The following LRFN2 variants were observed in gnomAD, a reference collection of about 807,000 sequenced individuals.
LRFN2 encodes the protein leucine-rich repeat and fibronectin type-III domain-containing protein 2.
A neutral mutation model predicts 37.3 loss-of-function variants in LRFN2; 18 were observed. That is an observed-to-expected ratio of 0.48 (90% CI 0.33 to 0.72). The LOEUF is 0.72. LRFN2 is among the 30% of genes least tolerant of loss of function. The pLI is 0.02. For missense variants in LRFN2, 1,006 were observed against 1,060.7 expected (o/e 0.95, Z 0.72); for synonymous variants, 556 against 466.6 (o/e 1.19, Z -2.47).
intron 1 of LRFN2, among the ~76,000 whole-genome samples, chr6:40,574,395 G>T (rs1767238304): frequency 6.6e-6 from 1 of 152,098 alleles, no homozygotes; most frequent in Non-Finnish European, 1.5e-5. Flanking sequence ...TGACTCCCAG[G>T]CCTGACTCAC....
intron 1 of LRFN2, among the ~76,000 whole-genome samples, chr6:40,541,655 CCAGGGGATA>C (rs1766556712): frequency 6.6e-6 from 1 of 152,088 alleles, no homozygotes; most frequent in African/African-American, 2.4e-5. Context: ...GGAGCAGAGC[CCAGGGGATA>C]CAGATCATTG....
At chr6:40,410,984 A>C (rs1193659560) in intron 2 of LRFN2, among the ~76,000 whole-genome samples, 5 of 152,256 alleles carry the variant, frequency 3.3e-5, no homozygotes, top group Non-Finnish European at 5.9e-5. Flanking sequence ...GACAATGAAC[A>C]CAGAACAGAG....
At chr6:40,410,969 A>G (rs1385950201) in intron 2 of LRFN2, among the ~76,000 whole-genome samples, 2 of 152,242 alleles carry the variant, frequency 1.3e-5, no homozygotes, top group African/African-American at 2.4e-5. Context: ...GCCAGGGCCT[A>G]TGGGGACAAT....
chr6:40,453,139 C>T (rs1764151852), intron 1 of LRFN2, among the ~76,000 whole-genome samples: 1 of 152,134 alleles, frequency 6.6e-6, no homozygotes, highest in South Asian at 2.1e-4. Flanking sequence ...CCAGCTCTCT[C>T]CAAGAAGAAA....
At chr6:40,430,756 C>T (rs1236882545) in intron 2 of LRFN2, among the ~76,000 whole-genome samples, 3 of 152,224 alleles carry the variant, frequency 2.0e-5, no homozygotes, top group African/African-American at 7.2e-5. Flanking sequence ...GATGCAGAGA[C>T]TAAGGCCCAG....
chr6:40,523,505 A>ATTTTTTTTTTTTTTTTTTTT (rs751179915), intron 1 of LRFN2, among the ~76,000 whole-genome samples: 1 of 129,314 alleles, frequency 7.7e-6, no homozygotes. Context: ...TCTTTAGGTG[A>ATTTTTTTTTTTTTTTTTTTT]TTTTTTTTTT....
At chr6:40,531,823 C>G (rs1392977835) in intron 1 of LRFN2, among the ~76,000 whole-genome samples, 1 of 152,176 alleles carries the variant, frequency 6.6e-6, no homozygotes, top group Non-Finnish European at 1.5e-5. Flanking sequence ...GTATTGGCCA[C>G]TGTTCCCTAT....
At chr6:40,548,832 G>T (rs1054863438) in intron 1 of LRFN2, among the ~76,000 whole-genome samples, 4 of 152,214 alleles carry the variant, frequency 2.6e-5, no homozygotes, top group Non-Finnish European at 5.9e-5. Flanking sequence ...CTACCATGAG[G>T]AGGAAGGCCA....
chr6:40,528,658 TGG>T (rs1226805062), intron 1 of LRFN2, among the ~76,000 whole-genome samples: 1 of 152,214 alleles, frequency 6.6e-6, no homozygotes, highest in Non-Finnish European at 1.5e-5. Flanking sequence ...CAACTTACGA[TGG>T]GTTTAGGTTT....
At chr6:40,488,937 A>T (rs558442515) in intron 1 of LRFN2, among the ~76,000 whole-genome samples, 1 of 152,328 alleles carries the variant, frequency 6.6e-6, no homozygotes, top group African/African-American at 2.4e-5. Flanking sequence ...TCAAAAAAAA[A>T]GTACTTGTTG....
At chr6:40,506,762 C>G (rs560754392) in intron 1 of LRFN2, among the ~76,000 whole-genome samples, 1 of 152,132 alleles carries the variant, frequency 6.6e-6, no homozygotes, top group Admixed American at 6.5e-5. Context: ...AAGAAGGAGC[C>G]CAGGATAGGG....
At chr6:40,534,817 C>T (rs564746328) in intron 1 of LRFN2, among the ~76,000 whole-genome samples, 58 of 152,240 alleles carry the variant, frequency 3.8e-4, no homozygotes, top group African/African-American at 1.3e-3. Flanking sequence ...TGGCCAAGAC[C>T]AAGACAGATA....
chr6:40,544,983 C>A (rs994824122), intron 1 of LRFN2, among the ~76,000 whole-genome samples: 4 of 152,280 alleles, frequency 2.6e-5, no homozygotes, highest in Admixed American at 2.0e-4. Flanking sequence ...AGAAGCACAG[C>A]ATCCTGAATT....
At chr6:40,493,345 G>A (rs1325747462) in intron 1 of LRFN2, among the ~76,000 whole-genome samples, 1 of 152,166 alleles carries the variant, frequency 6.6e-6, no homozygotes, top group Non-Finnish European at 1.5e-5. Context: ...CTGAGGAAAT[G>A]GCACTTGTCT....
chr6:40,446,108 G>T (rs1364469732), intron 1 of LRFN2, among the ~76,000 whole-genome samples: 2 of 152,176 alleles, frequency 1.3e-5, no homozygotes, highest in Non-Finnish European at 2.9e-5. Flanking sequence ...ACCTCCTGGG[G>T]ACCTCACCAT....
At chr6:40,436,522 C>A (rs1763679957) in intron 1 of LRFN2, among the ~76,000 whole-genome samples, 1 of 151,866 alleles carries the variant, frequency 6.6e-6, no homozygotes, top group Non-Finnish European at 1.5e-5. Context: ...ATCAAGGGCA[C>A]CTTCATTAAA....
chr6:40,510,750 G>C (rs1470307616), intron 1 of LRFN2, among the ~76,000 whole-genome samples: 1 of 152,226 alleles, frequency 6.6e-6, no homozygotes, highest in Non-Finnish European at 1.5e-5. Flanking sequence ...TTTGCATTGG[G>C]TGGCCATTTG....
chr6:40,500,103 C>G (rs1299643155), intron 1 of LRFN2, among the ~76,000 whole-genome samples: 1 of 152,270 alleles, frequency 6.6e-6, no homozygotes, highest in Admixed American at 6.5e-5. Context: ...TCCACGACTG[C>G]AGACAGCAAT....
intron 2 of LRFN2, among the ~76,000 whole-genome samples, chr6:40,411,246 TGAG>T (rs1299275919): frequency 1.3e-5 from 2 of 152,168 alleles, no homozygotes; most frequent in Non-Finnish European, 2.9e-5. Flanking sequence ...GTGAGGCTGA[TGAG>T]GAGTCGTCCC....
Sources: allele counts gnomAD v4.1 joint callset (sites outside exome capture counted in the v4.1 genomes callset), GRCh38; gene constraint gnomAD v4.1.1; transcripts MANE v1.5; gene names NCBI Gene and HGNC (gene_info 2026-07-23, HGNC 2026-07-21).